Variants in FAT3 observed in about 807,000 individuals in gnomAD.
FAT3 encodes protocadherin Fat 3.
Under a neutral mutation model 310.2 loss-of-function variants are expected in FAT3, and 95 were observed. That is an observed-to-expected ratio of 0.31 (90% CI 0.26 to 0.36). FAT3 has a LOEUF of 0.36. Among genes scored for constraint, FAT3 ranks in the 10% least tolerant of loss-of-function variants. The probability of loss-of-function intolerance (pLI) is 1.00; values close to 1 mark genes in which losing one functional copy is unlikely to be tolerated. For missense variants in FAT3, 5,408 were observed against 5,715.6 expected (o/e 0.95, Z 1.74); for synonymous variants, 2,314 against 2,192.9 (o/e 1.06, Z -1.54).
At chr11:92,394,614 T>C (rs565507908) in intron 2 of FAT3, among the ~76,000 whole-genome samples, 1 of 152,134 alleles carries the variant, frequency 6.6e-6, no homozygotes, top group South Asian at 2.1e-4. Context: ...CCTTGATCTA[T>C]TGGTATCTCA....
At chr11:92,763,909 T>A (rs1946230660) in intron 5 of FAT3, among the ~76,000 whole-genome samples, 1 of 152,186 alleles carries the variant, frequency 6.6e-6, no homozygotes. Context: ...GGCAAAGCAA[T>A]CATCCATGAA....
chr11:92,461,481 A>G (rs1951637713), intron 2 of FAT3, among the ~76,000 whole-genome samples: 1 of 152,180 alleles, frequency 6.6e-6, no homozygotes, highest in Non-Finnish European at 1.5e-5. Flanking sequence ...ATGGAAAAAA[A>G]TGAACATCAT....
At chr11:92,313,448 A>C (rs1591092027) in intron 1 of FAT3, among the ~76,000 whole-genome samples, 2 of 152,240 alleles carry the variant, frequency 1.3e-5, no homozygotes, top group African/African-American at 4.8e-5. Flanking sequence ...ATTTCTCAAC[A>C]ATTTAACACA....
At chr11:92,329,435 A>G (rs1428153905) in intron 1 of FAT3, among the ~76,000 whole-genome samples, 1 of 151,974 alleles carries the variant, frequency 6.6e-6, no homozygotes, top group African/African-American at 2.4e-5. Flanking sequence ...TTCCATAGTA[A>G]GTAGAAGCAG....
At chr11:92,865,620 A>G (rs1472189478) in intron 21 of FAT3, among the ~76,000 whole-genome samples, 1 of 152,230 alleles carries the variant, frequency 6.6e-6, no homozygotes, top group Non-Finnish European at 1.5e-5. Flanking sequence ...TTCATGACCA[A>G]ATGTACACTT....
chr11:92,593,592 C>T (rs1423905944), intron 3 of FAT3, among the ~76,000 whole-genome samples: 1 of 152,006 alleles, frequency 6.6e-6, no homozygotes, highest in Non-Finnish European at 1.5e-5. Flanking sequence ...AATAATTATC[C>T]ATGGCATCAA....
chr11:92,645,199 T>A (rs1942104539), intron 3 of FAT3, among the ~76,000 whole-genome samples: 1 of 152,190 alleles, frequency 6.6e-6, no homozygotes, highest in African/African-American at 2.4e-5. Flanking sequence ...AAGGGGATAA[T>A]GATAGTAATT....
intron 22 of FAT3, among the ~76,000 whole-genome samples, chr11:92,869,484 G>C (rs1591834424): frequency 6.6e-6 from 1 of 152,224 alleles, no homozygotes; most frequent in East Asian, 1.9e-4. Flanking sequence ...TGATGTGTGA[G>C]GGGGTATCTA....
intron 4 of FAT3, among the ~76,000 whole-genome samples, chr11:92,727,074 T>A (rs1052922215): frequency 1.2e-4 from 18 of 152,168 alleles, no homozygotes; most frequent in African/African-American, 4.3e-4. Flanking sequence ...CCACTCAATC[T>A]ACTATGAATT....
intron 1 of FAT3, among the ~76,000 whole-genome samples, chr11:92,347,184 C>G (rs1340980296): frequency 6.6e-6 from 1 of 152,132 alleles, no homozygotes; most frequent in East Asian, 1.9e-4. Context: ...GGTGCATGTT[C>G]TGTAACCATT....
intron 3 of FAT3, among the ~76,000 whole-genome samples, chr11:92,618,139 A>G (rs1288935853): frequency 6.6e-6 from 1 of 152,124 alleles, no homozygotes; most frequent in African/African-American, 2.4e-5. Flanking sequence ...ACCCAGTTCG[A>G]GCTTCCCAGC....
chr11:92,514,981 G>A (rs562555084), intron 2 of FAT3, among the ~76,000 whole-genome samples: 63 of 152,242 alleles, frequency 4.1e-4, no homozygotes, highest in Non-Finnish European at 7.8e-4. Flanking sequence ...TGGGTTCTGG[G>A]TCAGAGATGT....
chr11:92,620,862 C>T (rs1429321725), intron 3 of FAT3, among the ~76,000 whole-genome samples: 1 of 152,150 alleles, frequency 6.6e-6, no homozygotes, highest in Non-Finnish European at 1.5e-5. Context: ...AAGGAGCCAG[C>T]AGATCTGGTG....
At chr11:92,579,984 G>T (rs1313853486) in intron 3 of FAT3, among the ~76,000 whole-genome samples, 1 of 152,038 alleles carries the variant, frequency 6.6e-6, no homozygotes, top group Non-Finnish European at 1.5e-5. Context: ...TTTGTCATAG[G>T]CTAGAATATT....
At chr11:92,548,200 T>C (rs1323317953) in intron 3 of FAT3, among the ~76,000 whole-genome samples, 1 of 152,204 alleles carries the variant, frequency 6.6e-6, no homozygotes, top group Admixed American at 6.5e-5. Context: ...TGTTGGTGAC[T>C]TGTTACTTAG....
intron 1 of FAT3, among the ~76,000 whole-genome samples, chr11:92,331,783 T>A (rs1947930038): frequency 6.6e-6 from 1 of 152,184 alleles, no homozygotes. Flanking sequence ...TTTAGAAAAG[T>A]TGTTGACTAA....
chr11:92,387,280 G>C (rs72970585), intron 2 of FAT3, among the ~76,000 whole-genome samples: 3,482 of 152,244 alleles, frequency 0.023, 54 homozygotes, highest in Non-Finnish European at 0.03. Context: ...CTAGAGCTCT[G>C]AGCTGCAGAG....
intron 2 of FAT3, among the ~76,000 whole-genome samples, chr11:92,522,588 G>A (rs556200604): frequency 2.0e-5 from 3 of 152,068 alleles, no homozygotes; most frequent in Non-Finnish European, 4.4e-5. Flanking sequence ...GTGCTACCAG[G>A]CAAATTGTCC....
chr11:92,238,217 T>C (rs1241320185), intron 1 of FAT3, among the ~76,000 whole-genome samples: 1 of 152,176 alleles, frequency 6.6e-6, no homozygotes, highest in Admixed American at 6.6e-5. Flanking sequence ...TGGATTTCTT[T>C]GAGGGCTGAG....
Sources: allele counts gnomAD v4.1 joint callset (sites outside exome capture counted in the v4.1 genomes callset), GRCh38; gene constraint gnomAD v4.1.1; transcripts MANE v1.5; gene names NCBI Gene and HGNC (gene_info 2026-07-23, HGNC 2026-07-21).